DCUN1D1: variants seen among roughly 807,000 people sequenced by gnomAD.
DCUN1D1 encodes the protein DCN1-like protein 1.
DCUN1D1 carries 3 observed loss-of-function variants against 39.0 expected under a neutral mutation model. The ratio of observed to expected loss-of-function variants is 0.08; its 90% CI spans 0.04 to 0.20. The LOEUF (loss-of-function observed/expected upper bound fraction) is 0.20. DCUN1D1 is among the 10% of genes least tolerant of loss of function. The probability of loss-of-function intolerance (pLI) is 1.00; values close to 1 mark genes in which losing one functional copy is unlikely to be tolerated. For synonymous variants in DCUN1D1, 82 were observed against 96.3 expected, an observed-to-expected ratio of 0.85 and a Z score of 0.87; for missense variants, 158 against 302.4, an observed-to-expected ratio of 0.52 and a Z score of 3.54.
chr3:182,980,310 G>T, intron 1 of DCUN1D1, 177 bp downstream of exon 1: 1 of 366,404 alleles, frequency 2.7e-6, no homozygotes, highest in Non-Finnish European at 3.8e-6. Flanking sequence ...GGGCGGGAAG[G>T]GGCGAAGGAG....
chr3:182,979,201 T>C (rs1380561967), intron 1 of DCUN1D1, among the ~76,000 whole-genome samples: 3 of 152,160 alleles, frequency 2.0e-5, no homozygotes, highest in Non-Finnish European at 4.4e-5. Flanking sequence ...AACTGTAAAT[T>C]CCTACACAAC....
chr3:182,965,393 C>A, intron 2 of DCUN1D1, 144 bp downstream of exon 2: 3 of 492,156 alleles, frequency 6.1e-6, no homozygotes, highest in East Asian at 3.1e-5. Context: ...TTCCTCAGAC[C>A]TCTTGAAATA....
At chr3:182,972,812 G>C (rs1035799299) in intron 1 of DCUN1D1, among the ~76,000 whole-genome samples, 5 of 152,174 alleles carry the variant, frequency 3.3e-5, no homozygotes, top group Admixed American at 2.0e-4. Context: ...AGGCCAAGAG[G>C]GGGGCGGATC....
chr3:182,963,345 G>GCT (rs985719652), intron 3 of DCUN1D1, among the ~76,000 whole-genome samples: 9 of 152,322 alleles, frequency 5.9e-5, no homozygotes, highest in African/African-American at 2.2e-4. Context: ...AGAAAGGGCA[G>GCT]CTTGTTACCT....
rs779690107 is a variant in DCUN1D1, at chr3:182,945,193, TGAAA to T, written c.701-24_701-21del. 2.3e-5 allele frequency: 36 copies of T among 1,582,460 alleles called. No homozygotes were observed. Among genetic ancestry groups the T allele is most frequent in the Non-Finnish European group, 3.0e-5 (35 of 1,167,024 alleles). ...ATGCTCCTGGAAAAAAGAAAAAATA[TGAAA>T]GAAAGAGAAGGGGGAAAAAAGCAGA... is the stretch of plus-strand genomic sequence containing the variant. On this transcript the variant is annotated intron_variant, in intron 6 of 6. Transcript: ENST00000292782.
rs1726091035 is a variant in DCUN1D1 at position 182,940,570 on chromosome 3, A to T, written c.*4524T>A. On this transcript the variant is annotated 3_prime_UTR_variant, in exon 7 of 7. Transcript: ENST00000292782. Reference sequence around the variant, plus strand: ...GCCAATCATTAAAAAAAATTTTTTTAACTGAGTATTTTTCCCCAAACCAAA... The same window carrying T: ...GCCAATCATTAAAAAAAATTTTTTTTACTGAGTATTTTTCCCCAAACCAAA... 1 of 152,158 alleles carries T rather than the reference A, an allele frequency of 6.6e-6. No individual in the cohort carries two copies. Among genetic ancestry groups the T allele is most frequent in the African/African-American group, 2.4e-5 (1 of 41,436 alleles). 9.4% of individuals were successfully genotyped at this position (152,158 alleles called of 1,614,324 possible). A position where few individuals can be genotyped will look rare whatever the true frequency, so the allele number is the denominator to read the frequency against.
chr3:182,971,223 T>C (rs2108389014), intron 1 of DCUN1D1, among the ~76,000 whole-genome samples: 1 of 152,298 alleles, frequency 6.6e-6, no homozygotes, highest in Middle Eastern at 3.4e-3. Flanking sequence ...GTTAAACTCT[T>C]AGAACTGTAA....
rs1726041584 is a variant in DCUN1D1, at chr3:182,939,416, T to C, written c.*5678A>G. On this transcript the variant is annotated 3_prime_UTR_variant, in exon 7 of 7. Coordinates refer to ENST00000292782, the MANE Select transcript of DCUN1D1 (RefSeq NM_020640.4). ...ACATTTATGAATGTTCATAGCATTA[T>C]TATTCGCAATTTAAAAAAACTAATT... 1 of 152,186 alleles carries C rather than the reference T, an allele frequency of 6.6e-6. No individual in the cohort carries two copies. The highest frequency in any genetic ancestry group is 2.1e-4 in the South Asian group (1 of 4,826). The allele number at this position is 152,186 out of a possible 1,614,324, so 9.4% of individuals were successfully genotyped here.
At chr3:182,980,658 C>A (rs1426395651), upstream of DCUN1D1, 11 of 829,824 alleles carry the variant, frequency 1.3e-5, no homozygotes, top group Non-Finnish European at 1.2e-5. Flanking sequence ...GGCGGAGGGA[C>A]GGAGGCAGGC....
In DCUN1D1 at chr3:182,958,713, C is replaced by G. The variant is rs187460690; in HGVS notation, c.520+2513G>C. On this transcript the variant is annotated intron_variant, in intron 4 of 6. Coordinates refer to ENST00000292782, the MANE Select transcript of DCUN1D1 (RefSeq NM_020640.4). ...TACTTATTAGATAACAGAATAAACACACATAATTCTTCAACATAATGCTTT... is the reference window on the plus strand; with the variant it reads ...TACTTATTAGATAACAGAATAAACAGACATAATTCTTCAACATAATGCTTT... Among the ~76,000 whole-genome samples, 327 of 152,244 alleles carry G rather than the reference C, an allele frequency of 2.1e-3. 1 individual carries two copies. The highest frequency in any genetic ancestry group is 6.9e-3 in the African/African-American group (286 of 41,542).
intron 1 of DCUN1D1, among the ~76,000 whole-genome samples, chr3:182,966,161 T>A (rs1424801590): frequency 6.6e-6 from 1 of 152,022 alleles, no homozygotes; most frequent in Non-Finnish European, 1.5e-5. Flanking sequence ...GATGACATGA[T>A]CTGCCCAGTC....
At chr3:182,953,016 T>C (rs550508673) in intron 4 of DCUN1D1, among the ~76,000 whole-genome samples, 96 of 152,340 alleles carry the variant, frequency 6.3e-4, no homozygotes, top group African/African-American at 2.3e-3. Flanking sequence ...TTGCACTTCT[T>C]GTCAAATGAA....
At chr3:182,984,182 C>T (rs1728652930), upstream of DCUN1D1, among the ~76,000 whole-genome samples, 2 of 152,314 alleles carry the variant, frequency 1.3e-5, no homozygotes, top group East Asian at 1.9e-4. Context: ...TGCTTGTTCT[C>T]CTTGGCAGAT....
chr3:182,960,261 A>G (rs1238513207), intron 4 of DCUN1D1, among the ~76,000 whole-genome samples: 1 of 145,974 alleles, frequency 6.9e-6, no homozygotes, highest in Non-Finnish European at 1.5e-5. Flanking sequence ...ACAAATTCCA[A>G]TTTAAACCTT....
intron 4 of DCUN1D1, chr3:182,956,144 T>G (rs1349987109): frequency 4.8e-6 from 1 of 208,604 alleles, no homozygotes; most frequent in East Asian, 1.1e-4. Context: ...GTAAGGCCGG[T>G]CTCGAACGCC....
intron 1 of DCUN1D1, among the ~76,000 whole-genome samples, chr3:182,978,980 G>A (rs1031606340): frequency 1.3e-5 from 2 of 152,186 alleles, no homozygotes; most frequent in African/African-American, 4.8e-5. Context: ...CATTTCAGCT[G>A]TGGCTGAGTG....
intron 3 of DCUN1D1, 85 bp from the exon 4 acceptor site, chr3:182,961,441 A>G (rs1727390627): frequency 8.3e-7 from 1 of 1,208,040 alleles, no homozygotes; most frequent in African/African-American, 1.6e-5. Flanking sequence ...GCTTACATTT[A>G]TTTCCTAGAA....
chr3:182,981,639 G>C (rs533941184), upstream of DCUN1D1, among the ~76,000 whole-genome samples: 14 of 152,286 alleles, frequency 9.2e-5, no homozygotes, highest in Admixed American at 4.6e-4. Flanking sequence ...TTCAGAACAG[G>C]ACCCACCTGA....
At chr3:182,971,379 G>A (rs1456322233) in intron 1 of DCUN1D1, among the ~76,000 whole-genome samples, 1 of 152,004 alleles carries the variant, frequency 6.6e-6, no homozygotes, top group Non-Finnish European at 1.5e-5. Flanking sequence ...AGCCTGGGCA[G>A]CACAGGAAGA....
Sources: allele counts gnomAD v4.1 joint callset (sites outside exome capture counted in the v4.1 genomes callset), GRCh38; gene constraint gnomAD v4.1.1; transcripts MANE v1.5; gene names NCBI Gene and HGNC (gene_info 2026-07-23, HGNC 2026-07-21).